Variants in ARHGEF18 observed in about 807,000 individuals in gnomAD.
ARHGEF18 encodes rho guanine nucleotide exchange factor 18.
A neutral mutation model predicts 155.7 loss-of-function variants in ARHGEF18; 93 were observed. That is an observed-to-expected ratio of 0.60 (90% CI 0.50 to 0.71). The LOEUF (loss-of-function observed/expected upper bound fraction) is 0.71. ARHGEF18 is among the 30% of genes least tolerant of loss of function. The pLI is 0.00. For synonymous variants in ARHGEF18, 742 were observed against 753.1 expected (o/e 0.99, Z 0.24); for missense variants, 1,593 against 1,816.1 (o/e 0.88, Z 2.23).
chr19:7,475,227 C>A (rs1428491373), downstream of ARHGEF18, among the ~76,000 whole-genome samples: 2 of 152,070 alleles, frequency 1.3e-5, no homozygotes, highest in African/African-American at 4.8e-5. Flanking sequence ...GTGACTCTGT[C>A]TCAAAAAAGA....
intron 1 of ARHGEF18, among the ~76,000 whole-genome samples, chr19:7,357,154 A>C (rs1254648399): frequency 6.6e-6 from 1 of 152,198 alleles, no homozygotes; most frequent in Non-Finnish European, 1.5e-5. Flanking sequence ...TTTGAAGCCG[A>C]TTCTGTGTGA....
At chr19:7,475,299 C>T (rs995418514), downstream of ARHGEF18, among the ~76,000 whole-genome samples, 2 of 152,102 alleles carry the variant, frequency 1.3e-5, no homozygotes, top group African/African-American at 4.8e-5. Flanking sequence ...GGTTGAAAAC[C>T]ACTGGACCAG....
chr19:7,402,252 C>T (rs1972053889), intron 10 of ARHGEF18, among the ~76,000 whole-genome samples: 1 of 152,048 alleles, frequency 6.6e-6, no homozygotes, highest in African/African-American at 2.4e-5. Flanking sequence ...AGCCCAATCT[C>T]TACTAAAAAT....
Position 7,470,236 on chromosome 19 carries a change from C to A in ARHGEF18, c.4024C>A (p.Leu1342Met). 1.2e-5 allele frequency: 20 copies of A among 1,607,558 alleles called. No homozygotes were observed. The highest frequency in any genetic ancestry group is 1.7e-5 in the Non-Finnish European group (20 of 1,177,984). The change falls in exon 29 of 29, where the codon CTG becomes ATG. Residue 1342 changes from leucine to methionine, a missense_variant. Leu to Met is a conservative substitution (Grantham distance 15, BLOSUM62 2). Coordinates refer to ENST00000668164, the MANE Select transcript of ARHGEF18 (RefSeq NM_001367823.1). The surrounding 1 kb of genome is among the most constrained non-coding windows in gnomAD (Gnocchi z 5.9). The part of the protein sequence containing the change: ...LLPGPPAPSP[L>M]PATPLSAKED... ...GCCCGGGCCCCCAGCTCCCTCGCCA[C>A]TGCCGGCCACACCACTCAGCGCCAA... is the stretch of plus-strand genomic sequence containing the variant.
chr19:7,467,335 G>A lies in ARHGEF18; in HGVS notation c.3131G>A (p.Arg1044His). The A allele has an allele frequency of 1.3e-6, 2 of 1,537,630 alleles. No individual in the cohort carries two copies. Among genetic ancestry groups the A allele is most frequent in the Non-Finnish European group, 8.7e-7 (1 of 1,146,764 alleles). ...GNLLLEQERQ[R>H]NFEKQREERA... ...CTGCTGCTGGAGCAGGAGCGGCAAC[G>A]CAACTTCGAGAAGCAGCGGGAGGAG... Residue 1044 changes from arginine (R) to histidine (H), a missense_variant, in exon 26 of 29, where the codon CGC (arginine) becomes CAC (histidine). Physicochemically the swap from Arg to His is conservative, Grantham distance 29. Transcript: ENST00000668164.
chr19:7,385,687 G>A (rs1026348826), intron 10 of ARHGEF18, among the ~76,000 whole-genome samples: 1 of 151,734 alleles, frequency 6.6e-6, no homozygotes, highest in African/African-American at 2.4e-5. Flanking sequence ...TGTTGGCCAG[G>A]CTGGTCTTAA....
At chr19:7,383,245 CTT>C in intron 10 of ARHGEF18, 42 bp downstream of exon 10, 1 of 1,232,246 alleles carries the variant, frequency 8.1e-7, no homozygotes, top group Non-Finnish European at 1.0e-6. Context: ...AGGGCAGCCA[CTT>C]TCTCTTCTTC....
chr19:7,385,864 T>TCTCTCTCC (rs1971003098), intron 10 of ARHGEF18, among the ~76,000 whole-genome samples: 2 of 92,030 alleles, frequency 2.2e-5, no homozygotes, highest in African/African-American at 1.3e-4. Context: ...TCTCTCTCTC[T>TCTCTCTCC]CTCTCTCCCC....
At chr19:7,367,844 A>ATATATATATTT (rs1969980734) in intron 2 of ARHGEF18, among the ~76,000 whole-genome samples, 1 of 3,880 alleles carries the variant, frequency 2.6e-4, no homozygotes, top group Non-Finnish European at 7.8e-4. Flanking sequence ...TATATATTTT[A>ATATATATATTT]TATATATATA....
rs1217508103 is a variant in ARHGEF18, at chr19:7,446,909, AAAG to A, written c.1612-125_1612-123del. 3,809 of 1,110,226 alleles carry A rather than the reference AAAG, an allele frequency of 3.4e-3. 22 individuals are homozygous for A. Among genetic ancestry groups the A allele is most frequent in the East Asian group, 0.016 (464 of 29,888 alleles). 68.8% of individuals were successfully genotyped at this position (1,110,226 alleles called of 1,614,324 possible). ...AGATGCTGTCTCAAAAAAAAAAAAA[AAAG>A]AAGAAGAAAGAAAGAAAATGGAATT... On this transcript the variant is annotated intron_variant, in intron 14 of 28. Transcript: ENST00000668164.
chr19:7,375,412 AAAGG>A (rs1265976943), intron 3 of ARHGEF18, among the ~76,000 whole-genome samples: 7 of 100,992 alleles, frequency 6.9e-5, no homozygotes, highest in African/African-American at 2.2e-4. Context: ...GGAAGGAAGA[AAAGG>A]AAGGAAGAAA....
intron 6 of ARHGEF18, among the ~76,000 whole-genome samples, chr19:7,378,673 G>C (rs1232593049): frequency 3.6e-5 from 5 of 138,886 alleles, no homozygotes; most frequent in Non-Finnish European, 7.7e-5. Flanking sequence ...AGCCTTGGGA[G>C]ACAATTGTGG....
intron 10 of ARHGEF18, among the ~76,000 whole-genome samples, chr19:7,384,425 C>T (rs1970890496): frequency 6.6e-6 from 1 of 152,190 alleles, no homozygotes; most frequent in Non-Finnish European, 1.5e-5. Context: ...GAGAACATCT[C>T]CACCCCCGGG....
chr19:7,412,762 T>C (rs902629640), intron 10 of ARHGEF18, among the ~76,000 whole-genome samples: 1 of 145,554 alleles, frequency 6.9e-6, no homozygotes. Context: ...AAAAAGTAAA[T>C]AAAATAAATT....
Position 7,462,359 on chromosome 19 carries a change from G to A in ARHGEF18, c.2635+25G>A. On this transcript the variant is annotated intron_variant, in intron 21 of 28. Coordinates refer to ENST00000668164, the MANE Select transcript of ARHGEF18 (RefSeq NM_001367823.1). The surrounding 1 kb of genome is among the most constrained non-coding windows in gnomAD (Gnocchi z 4.4). ...AGTAAGTTGGCTGCCCACACCTCAA[G>A]GGTGCAGTCTTGCCGGGGTGGGCTC... 1 of 1,561,478 alleles carries A rather than the reference G, an allele frequency of 6.4e-7. No individual in the cohort carries two copies.
chr19:7,478,020 TCAAAAAA>T, the ARHGEF18 span, among the ~76,000 whole-genome samples: 1 of 152,132 alleles, frequency 6.6e-6, no homozygotes, highest in South Asian at 2.1e-4. Context: ...AGACCCTGTC[TCAAAAAA>T]CAAAAAGAAA....
chr19:7,446,669 A>T (rs1005018729), intron 14 of ARHGEF18, among the ~76,000 whole-genome samples: 1 of 152,008 alleles, frequency 6.6e-6, no homozygotes, highest in African/African-American at 2.4e-5. Flanking sequence ...TGACCCCGGG[A>T]GGTGGAGGTT....
chr19:7,479,507 G>T, the ARHGEF18 span, among the ~76,000 whole-genome samples: 1 of 152,136 alleles, frequency 6.6e-6, no homozygotes, highest in Non-Finnish European at 1.5e-5. Flanking sequence ...GAAGCCCTGG[G>T]CGCCGGACCC....
intron 1 of ARHGEF18, among the ~76,000 whole-genome samples, chr19:7,357,912 T>G (rs1010187466): frequency 2.6e-5 from 4 of 152,158 alleles, no homozygotes; most frequent in Non-Finnish European, 5.9e-5. Context: ...GAGTGCAGTC[T>G]GTGCCTCGCT....
Sources: gnomAD v4.1 joint callset for allele counts (sites outside exome capture counted in the v4.1 genomes callset) on GRCh38, gnomAD v4.1.1 for gene constraint, Gnocchi (gnomAD v3.1) non-coding constraint, MANE v1.5 for transcripts, NCBI Gene and HGNC (gene_info 2026-07-23, HGNC 2026-07-21) for gene names.